Variants in ATP10A observed in about 807,000 individuals in gnomAD.
ATP10A encodes the protein phospholipid-transporting ATPase VA.
In ATP10A, 111 loss-of-function variants were observed where a neutral mutation model predicts 147.8. The observed-to-expected ratio is 0.75, with a 90% confidence interval of 0.64 to 0.88. The LOEUF is 0.88. ATP10A is among the 40% of genes least tolerant of loss of function. The pLI, the probability that ATP10A is intolerant of heterozygous loss-of-function variation, is 0.00. For missense variants in ATP10A, 1,927 were observed against 1,959.0 expected (o/e 0.98, Z 0.31); for synonymous variants, 875 against 841.6 (o/e 1.04, Z -0.69).
chr15:25,732,086 G>T (rs1348305423), intron 3 of ATP10A, among the ~76,000 whole-genome samples: 1 of 152,078 alleles, frequency 6.6e-6, no homozygotes, highest in Non-Finnish European at 1.5e-5. Flanking sequence ...TGTCCAGGCT[G>T]CTCTTAAACT....
chr15:25,810,091 C>A (rs537505076), intron 1 of ATP10A, among the ~76,000 whole-genome samples: 2 of 152,280 alleles, frequency 1.3e-5, no homozygotes, highest in South Asian at 2.1e-4. Flanking sequence ...CAACTAGAAC[C>A]CTTGCTGAGG....
rs184454884 is a variant in ATP10A at position 25,785,319 on chromosome 15, G to A, written c.450-4096C>T. On this transcript the variant is annotated intron_variant, in intron 1 of 20. Coordinates refer to ENST00000555815, the MANE Select transcript of ATP10A (RefSeq NM_024490.4). ...GGGTCCTTATAAGAGAAAGGCAGCA[G>A]AGGCGTGCGCACACAGCTGTAAGGA... 4.7e-3 allele frequency among the ~76,000 whole-genome samples: 714 copies of A among 152,296 alleles called. 9 individuals carry two copies. The highest frequency in any genetic ancestry group is 0.016 in the African/African-American group (673 of 41,560).
chr15:25,845,837 TCAAA>T (rs1449768278), intron 1 of ATP10A, among the ~76,000 whole-genome samples: 2 of 152,074 alleles, frequency 1.3e-5, no homozygotes, highest in African/African-American at 4.8e-5. Flanking sequence ...GGCAAGACAC[TCAAA>T]CAGACACTGG....
At chr15:25,794,584 G>A (rs1890577787) in intron 1 of ATP10A, among the ~76,000 whole-genome samples, 1 of 152,124 alleles carries the variant, frequency 6.6e-6, no homozygotes, top group Admixed American at 6.5e-5. Context: ...TGATTTCCCT[G>A]GGCACAGTGT....
At chr15:25,790,248 ATACCAAAAT>A in intron 1 of ATP10A, among the ~76,000 whole-genome samples, 1 of 152,332 alleles carries the variant, frequency 6.6e-6, no homozygotes, top group Middle Eastern at 3.4e-3. Context: ...GAATCTTCTG[ATACCAAAAT>A]TGCCAAAAAT....
In ATP10A at chr15:25,862,881, C is replaced by G; in HGVS notation, c.216G>C (p.Leu72=). Residue 72 remains leucine (L), a synonymous_variant, in exon 1 of 21, where the codon CTG becomes CTC. Transcript: ENST00000555815. ...CGAACAGGTTCTTGGGCAGGAAGGA[C>G]AGCAGCGTGTACTTGGTAGTCTTGA... The part of the protein sequence containing the change: ...NRLKTTKYTL[L]SFLPKNLFEQ... The G allele has an allele frequency of 1.2e-6, 2 of 1,612,144 alleles. No individual in the cohort carries two copies. Among genetic ancestry groups the G allele is most frequent in the South Asian group, 1.1e-5 (1 of 90,738 alleles).
chr15:25,716,576 A>G (rs1396604595), intron 9 of ATP10A, 154 bp downstream of exon 9: 6 of 675,834 alleles, frequency 8.9e-6, no homozygotes, highest in African/African-American at 1.9e-5. Context: ...TGTTTTGCCC[A>G]GTATGAAGCA....
At chr15:25,849,803 A>C (rs1396924095) in intron 1 of ATP10A, among the ~76,000 whole-genome samples, 3 of 152,154 alleles carry the variant, frequency 2.0e-5, no homozygotes, top group African/African-American at 7.2e-5. Flanking sequence ...CTATGGAATG[A>C]ATCAAACTTT....
chr15:25,793,530 G>A (rs954230468), intron 1 of ATP10A, among the ~76,000 whole-genome samples: 2 of 152,198 alleles, frequency 1.3e-5, no homozygotes, highest in African/African-American at 4.8e-5. Context: ...TTCTCTGTAA[G>A]TGGCCACAGG....
chr15:25,841,595 A>AAG (rs386382500), intron 1 of ATP10A: 32 of 151,920 alleles, frequency 2.1e-4, no homozygotes, highest in Non-Finnish European at 2.9e-4. Flanking sequence ...AAAAAAAAAA[A>AAG]ACATTGCTGA....
At chr15:25,805,949 C>T (rs562253274) in intron 1 of ATP10A, among the ~76,000 whole-genome samples, 1 of 152,186 alleles carries the variant, frequency 6.6e-6, no homozygotes, top group Non-Finnish European at 1.5e-5. Flanking sequence ...CCCCTTACAA[C>T]CTTGAGAAGA....
At chr15:25,847,513 C>T (rs543885160) in intron 1 of ATP10A, among the ~76,000 whole-genome samples, 3 of 149,958 alleles carry the variant, frequency 2.0e-5, no homozygotes, top group African/African-American at 7.3e-5. Flanking sequence ...TTTTTTCCAC[C>T]GTATCATGAT....
chr15:25,705,006 G>A (rs148321371), intron 12 of ATP10A, among the ~76,000 whole-genome samples: 5 of 152,314 alleles, frequency 3.3e-5, no homozygotes, highest in African/African-American at 7.2e-5. Context: ...TAGCAAGGAC[G>A]CCGGGGAAAA....
intron 3 of ATP10A, 62 bp downstream of exon 3, chr15:25,735,994 A>G (rs2140488043): frequency 7.3e-7 from 1 of 1,366,850 alleles, no homozygotes; most frequent in East Asian, 2.3e-5. Context: ...GAGAATGTGT[A>G]AACACCTGCC....
At chr15:25,861,150 G>A (rs1269328058) in intron 1 of ATP10A, among the ~76,000 whole-genome samples, 7 of 98,168 alleles carry the variant, frequency 7.1e-5, no homozygotes, top group Non-Finnish European at 1.9e-4. Flanking sequence ...GGAGCAGGCA[G>A]AGTGGTGTTT....
At chr15:25,735,546 T>C (rs1887220384) in intron 3 of ATP10A, among the ~76,000 whole-genome samples, 1 of 152,194 alleles carries the variant, frequency 6.6e-6, no homozygotes, top group South Asian at 2.1e-4. Context: ...TTAATTGTCT[T>C]TCTTTCCCCC....
At chr15:25,678,429 G>T (rs1899186956), downstream of ATP10A, 1 of 152,042 alleles carries the variant, frequency 6.6e-6, no homozygotes, top group Non-Finnish European at 1.5e-5. Flanking sequence ...CATTGCCTTG[G>T]GTTGTTATCA....
At chr15:25,829,003 C>G (rs371639400) in intron 1 of ATP10A, among the ~76,000 whole-genome samples, 2 of 152,112 alleles carry the variant, frequency 1.3e-5, no homozygotes, top group Admixed American at 6.6e-5. Flanking sequence ...TCATGCATAA[C>G]GCTGGAACAT....
chr15:25,732,143 G>A (rs1225148685), intron 3 of ATP10A, among the ~76,000 whole-genome samples: 3 of 152,152 alleles, frequency 2.0e-5, no homozygotes, highest in Non-Finnish European at 4.4e-5. Context: ...AAGGATTACA[G>A]GCATGAGCCA....
Sources: gnomAD v4.1 joint callset for allele counts (sites outside exome capture counted in the v4.1 genomes callset) on GRCh38, gnomAD v4.1.1 for gene constraint, MANE v1.5 for transcripts, NCBI Gene and HGNC (gene_info 2026-07-23, HGNC 2026-07-21) for gene names.